Variants in LARP1 observed in about 807,000 individuals in gnomAD.
LARP1 encodes la-related protein 1.
In LARP1, 36 loss-of-function variants were observed where a neutral mutation model predicts 122.7. The ratio of observed to expected loss-of-function variants is 0.29; its 90% CI spans 0.22 to 0.39. The LOEUF (loss-of-function observed/expected upper bound fraction) is 0.39, where lower values mean the gene tolerates loss of function less well. Among genes scored for constraint, LARP1 ranks in the 10% least tolerant of loss-of-function variants. LARP1 has a pLI of 1.00. For synonymous variants in LARP1, 539 were observed against 528.7 expected, an observed-to-expected ratio of 1.02 and a Z score of -0.27; for missense variants, 1,040 against 1,403.6, an observed-to-expected ratio of 0.74 and a Z score of 4.14.
chr5:154,800,282 A>G (rs1400907663), intron 10 of LARP1, among the ~76,000 whole-genome samples: 3 of 151,970 alleles, frequency 2.0e-5, no homozygotes, highest in Non-Finnish European at 4.4e-5. Flanking sequence ...CCTCGGTGAC[A>G]TTTTTCTTAA....
At chr5:154,790,792 A>T in intron 3 of LARP1, 82 bp downstream of exon 3, 1 of 1,157,048 alleles carries the variant, frequency 8.6e-7, no homozygotes, top group Non-Finnish European at 1.3e-6. Context: ...AGAGAGCCTC[A>T]GCTCTTACCT....
intron 1 of LARP1, among the ~76,000 whole-genome samples, chr5:154,789,283 T>C (rs1375346586): frequency 7.1e-6 from 1 of 140,384 alleles, no homozygotes; most frequent in Non-Finnish European, 1.5e-5. Flanking sequence ...GCAATGACGT[T>C]ATCTCGGCTC....
Position 154,790,645 on chromosome 5 carries a change from G to A in LARP1, c.499G>A (p.Val167Ile), listed in dbSNP as rs1387766208. Residue 167 changes from valine (V) to isoleucine (I), a missense_variant and splice_region_variant, in exon 3 of 19, where the codon GTT (valine) becomes ATT (isoleucine). Around this residue, in one of 8 missense-constraint regions of LARP1, gnomAD observed 257 missense variants for 273.3 expected, o/e 0.94. Transcript: ENST00000518297. ...AVPKQRKGSK[V>I]GDFGDAINWP... ...CCCTCATAGTGTATGTTCCCTGCAG[G>A]TTGGTGACTTTGGAGATGCAATCAA... 1 of 1,614,130 alleles carries A rather than the reference G, an allele frequency of 6.2e-7. No homozygotes were observed. The highest frequency in any genetic ancestry group is 2.2e-5 in the East Asian group (1 of 44,888).
chr5:154,810,796 C>G (rs996039905), intron 16 of LARP1, among the ~76,000 whole-genome samples: 1 of 152,150 alleles, frequency 6.6e-6, no homozygotes, highest in African/African-American at 2.4e-5. Flanking sequence ...CGCATGTGTT[C>G]CTTGAAGTGA....
rs1327930259 is a variant in LARP1, at chr5:154,813,982, C to T, written c.3177C>T (p.Ser1059=). Residue 1059 remains serine (S), a synonymous_variant, in exon 19 of 19, where the codon TCC becomes TCT. Transcript: ENST00000518297. ...GGAAGCGGTGCCCCTCCCAGTCTTC[C>T]AGCAGGCCTGCTGCCATGATCAGCC... ...EGRKRCPSQS[S]SRPAAMISQP... is the part of the protein sequence containing the mutation. The T allele has an allele frequency of 1.2e-6, 2 of 1,614,108 alleles. No individual in the cohort carries two copies. Among genetic ancestry groups the T allele is most frequent in the Non-Finnish European group, 8.5e-7 (1 of 1,180,000 alleles).
intron 1 of LARP1, among the ~76,000 whole-genome samples, chr5:154,722,379 C>G (rs1755926945): frequency 6.6e-6 from 1 of 152,158 alleles, no homozygotes; most frequent in African/African-American, 2.4e-5. Context: ...GAATATTGCT[C>G]TCCCCAGGCT....
chr5:154,717,080 GA>G (rs1008552955), intron 1 of LARP1, among the ~76,000 whole-genome samples: 2 of 149,228 alleles, frequency 1.3e-5, no homozygotes, highest in East Asian at 2.0e-4. Flanking sequence ...AAAAGAAAAA[GA>G]AAAAAAAGGA....
chr5:154,800,370 G>A (rs775634341), intron 10 of LARP1, among the ~76,000 whole-genome samples: 1 of 152,078 alleles, frequency 6.6e-6, no homozygotes, highest in Non-Finnish European at 1.5e-5. Context: ...CTAAATTTCT[G>A]GGGCTGCGTT....
chr5:154,757,868 C>G (rs1168841334), intron 1 of LARP1, among the ~76,000 whole-genome samples: 1 of 81,572 alleles, frequency 1.2e-5, no homozygotes, highest in African/African-American at 4.9e-5. Context: ...TCCCCTTCCC[C>G]CCTCCTCCCC....
chr5:154,812,204 T>G (rs928479927), intron 18 of LARP1, among the ~76,000 whole-genome samples: 3 of 152,094 alleles, frequency 2.0e-5, no homozygotes, highest in African/African-American at 7.2e-5. Flanking sequence ...CTTCTGAGAG[T>G]TTATAATGTA....
intron 1 of LARP1, among the ~76,000 whole-genome samples, chr5:154,762,501 C>T (rs1754540893): frequency 6.6e-6 from 1 of 152,160 alleles, no homozygotes; most frequent in African/African-American, 2.4e-5. Flanking sequence ...AAGGATGTTC[C>T]CAGAATCAAG....
chr5:154,740,554 G>A (rs1280227331), intron 1 of LARP1, among the ~76,000 whole-genome samples: 1 of 152,216 alleles, frequency 6.6e-6, no homozygotes, highest in African/African-American at 2.4e-5. Flanking sequence ...AGAGGAAGCA[G>A]AGACACAGAG....
At chr5:154,787,876 T>C (rs1275689692) in intron 1 of LARP1, among the ~76,000 whole-genome samples, 3 of 152,266 alleles carry the variant, frequency 2.0e-5, no homozygotes, top group African/African-American at 7.2e-5. Context: ...GGTCTTTTCA[T>C]GGCACTTTGA....
At chr5:154,779,051 A>G (rs1045857576) in intron 1 of LARP1, among the ~76,000 whole-genome samples, 2 of 152,184 alleles carry the variant, frequency 1.3e-5, no homozygotes, top group East Asian at 1.9e-4. Context: ...TTTGGGCACC[A>G]GTCAGGTTCA....
In LARP1 at chr5:154,800,019, C is replaced by T. The variant is rs1481696091; in HGVS notation, c.1693C>T (p.Arg565Trp). 5.0e-6 allele frequency: 8 copies of T among 1,613,752 alleles called. No individual in the cohort carries two copies. The highest frequency in any genetic ancestry group is 1.3e-5 in the African/African-American group (1 of 74,934). Reference sequence around the variant, plus strand: ...CTGGATTGAAGTGAAGAAGAGGCCTCGGCCATCCCCAGCACGGCCCAAGGT... The same window carrying T: ...CTGGATTGAAGTGAAGAAGAGGCCTTGGCCATCCCCAGCACGGCCCAAGGT... ...ENWIEVKKRP[R>W]PSPARPKKSE... is the part of the protein sequence containing the mutation. The change falls in exon 10 of 19, where the codon CGG becomes TGG. Residue 565 changes from arginine (R) to tryptophan (W), a missense_variant. Around this residue, in one of 8 missense-constraint regions of LARP1, gnomAD observed 362 missense variants for 533.1 expected, o/e 0.68. Coordinates refer to ENST00000518297, the MANE Select transcript of LARP1 (RefSeq NM_033551.3).
chr5:154,787,487 C>A (rs1396479794), intron 1 of LARP1, among the ~76,000 whole-genome samples: 1 of 152,206 alleles, frequency 6.6e-6, no homozygotes, highest in East Asian at 1.9e-4. Context: ...TAATTGAATT[C>A]ATCAGAAAGC....
Position 154,817,221 on chromosome 5 carries a change from G to C in LARP1, c.*3125G>C, listed in dbSNP as rs1243702671. 6.6e-6 allele frequency: 1 copy of C among 152,188 alleles called. No individual in the cohort carries two copies. 9.4% of individuals were successfully genotyped at this position (152,188 alleles called of 1,614,324 possible). ...TGAATGGAACCCCAGAGTACCTCCT[G>C]TGTGGAAGGGTCCCTGGATTTTCCC... On this transcript the variant is annotated 3_prime_UTR_variant, in exon 19 of 19. Transcript: ENST00000518297.
chr5:154,733,056 A>T (rs1756677251), intron 1 of LARP1, among the ~76,000 whole-genome samples: 1 of 152,060 alleles, frequency 6.6e-6, no homozygotes, highest in Non-Finnish European at 1.5e-5. Flanking sequence ...GGTCCCCAGG[A>T]TTGTCTCATT....
intron 14 of LARP1, 127 bp from the exon 15 acceptor site, chr5:154,805,754 G>C (rs1758725039): frequency 1.1e-6 from 1 of 941,248 alleles, no homozygotes; most frequent in Non-Finnish European, 1.6e-6. Flanking sequence ...TCCGTAACTG[G>C]GCCTCCTTGT....
Sources: allele counts gnomAD v4.1 joint callset (sites outside exome capture counted in the v4.1 genomes callset), GRCh38; gene constraint gnomAD v4.1.1; regional missense constraint gnomAD v4.1.1; transcripts MANE v1.5; gene names NCBI Gene and HGNC (gene_info 2026-07-23, HGNC 2026-07-21).